FERRY3: variants seen among roughly 807,000 people sequenced by gnomAD.
FERRY3 encodes the protein FERRY endosomal RAB5 effector complex subunit 3.
At chr12:4,497,857 G>C in the FERRY3 span, among the ~76,000 whole-genome samples, 1 of 152,140 alleles carries the variant, frequency 6.6e-6, no homozygotes, top group Non-Finnish European at 1.5e-5. Flanking sequence ...ACTAAAACAT[G>C]GTAACTGAGT....
At chr12:4,516,436 T>A in the FERRY3 span, among the ~76,000 whole-genome samples, 1 of 152,188 alleles carries the variant, frequency 6.6e-6, no homozygotes, top group Admixed American at 6.5e-5. Context: ...GCAGTACTAT[T>A]CACAATAGCA....
chr12:4,517,089 C>T, the FERRY3 span: 2 of 1,576,646 alleles, frequency 1.3e-6, no homozygotes, highest in Non-Finnish European at 1.7e-6. Flanking sequence ...TACTCCTGCG[C>T]TGGGTTCTAG....
the FERRY3 span, chr12:4,502,574 A>G: frequency 2.8e-6 from 1 of 354,240 alleles, no homozygotes; most frequent in Non-Finnish European, 5.5e-6. This position sits in a 1 kb window ranked among gnomAD's most constrained non-coding sequence, Gnocchi z 4.2. Flanking sequence ...AAGTCCTTCT[A>G]GGAAAGGTCT....
chr12:4,529,759 T>G, the FERRY3 span: 26 of 936,172 alleles, frequency 2.8e-5, no homozygotes, highest in Middle Eastern at 1.4e-3. Context: ...AATATTGAAG[T>G]TTTTTTTTCT....
At chr12:4,517,710 C>CAGAGAGAGAG in the FERRY3 span, among the ~76,000 whole-genome samples, 21 of 132,300 alleles carry the variant, frequency 1.6e-4, no homozygotes, top group African/African-American at 5.5e-4. Flanking sequence ...TATATATAGA[C>CAGAGAGAGAG]AGAGAGAGAG....
At chr12:4,504,800 G>A in the FERRY3 span, among the ~76,000 whole-genome samples, 1 of 152,118 alleles carries the variant, frequency 6.6e-6, no homozygotes, top group Admixed American at 6.6e-5. Flanking sequence ...GTGAGTACTA[G>A]TATAATATTA....
At chr12:4,524,079 T>A in the FERRY3 span, among the ~76,000 whole-genome samples, 1 of 151,874 alleles carries the variant, frequency 6.6e-6, no homozygotes, top group East Asian at 1.9e-4. Context: ...CAGGCTGGAG[T>A]GCAGTAGCAT....
the FERRY3 span, among the ~76,000 whole-genome samples, chr12:4,497,264 G>A: frequency 6.6e-6 from 1 of 152,024 alleles, no homozygotes; most frequent in Non-Finnish European, 1.5e-5. Context: ...AATATTGAAC[G>A]AAAGAAGCCA....
the FERRY3 span, chr12:4,525,081 T>A: frequency 1.4e-6 from 1 of 734,380 alleles, no homozygotes; most frequent in Non-Finnish European, 2.1e-6. Context: ...GCCCCCCAAA[T>A]AATCCACATA....
the FERRY3 span, among the ~76,000 whole-genome samples, chr12:4,506,774 C>A: frequency 6.6e-6 from 1 of 151,618 alleles, no homozygotes; most frequent in African/African-American, 2.4e-5. Flanking sequence ...TTATCATGGA[C>A]CACAGAAATA....
chr12:4,507,778 G>T, the FERRY3 span, among the ~76,000 whole-genome samples: 1 of 152,172 alleles, frequency 6.6e-6, no homozygotes, highest in Non-Finnish European at 1.5e-5. Flanking sequence ...AAATTACTCA[G>T]TGAAAAAGGC....
the FERRY3 span, among the ~76,000 whole-genome samples, chr12:4,533,258 T>C: frequency 2.6e-5 from 4 of 152,200 alleles, no homozygotes; most frequent in Non-Finnish European, 5.9e-5. Context: ...TTCTATCCCT[T>C]CTAGTCCTAA....
the FERRY3 span, among the ~76,000 whole-genome samples, chr12:4,538,038 A>T: frequency 5.3e-5 from 8 of 152,288 alleles, no homozygotes; most frequent in African/African-American, 1.9e-4. Context: ...AATATGAATG[A>T]ATCAGGAATG....
chr12:4,506,267 C>T, the FERRY3 span, among the ~76,000 whole-genome samples: 2 of 151,996 alleles, frequency 1.3e-5, no homozygotes, highest in African/African-American at 4.8e-5. Flanking sequence ...TTTGGAATGG[C>T]CTTTAGCATC....
chr12:4,530,218 A>C, the FERRY3 span, among the ~76,000 whole-genome samples: 1 of 151,446 alleles, frequency 6.6e-6, no homozygotes, highest in Non-Finnish European at 1.5e-5. Flanking sequence ...GGATTGTCTA[A>C]GCACAGAAAA....
the FERRY3 span, among the ~76,000 whole-genome samples, chr12:4,511,194 C>T: frequency 1.3e-5 from 2 of 151,692 alleles, no homozygotes; most frequent in Non-Finnish European, 2.9e-5. Flanking sequence ...AGCTAACTAT[C>T]CTAAATATAT....
At chr12:4,489,195 T>A in the FERRY3 span, 2 of 152,528 alleles carry the variant, frequency 1.3e-5, no homozygotes, top group Non-Finnish European at 2.9e-5. Flanking sequence ...AGCGGGAGGA[T>A]GAGAGAGAGG....
chr12:4,529,934 A>C, the FERRY3 span: 1 of 1,613,582 alleles, frequency 6.2e-7, no homozygotes, highest in Non-Finnish European at 8.5e-7. Context: ...TAACAAAGTA[A>C]TTATGTTCCA....
chr12:4,492,267 C>T, the FERRY3 span, among the ~76,000 whole-genome samples: 1 of 152,078 alleles, frequency 6.6e-6, no homozygotes, highest in African/African-American at 2.4e-5. Context: ...TAAATTTCTG[C>T]AAATCTCATT....
Sources: gnomAD v4.1 joint callset for allele counts (sites outside exome capture counted in the v4.1 genomes callset) on GRCh38, gnomAD v4.1.1 for gene constraint, Gnocchi (gnomAD v3.1) non-coding constraint, MANE v1.5 for transcripts, NCBI Gene and HGNC (gene_info 2026-07-23, HGNC 2026-07-21) for gene names.